The following PPM1F variants were observed in gnomAD, a reference collection of about 807,000 sequenced individuals.
The protein encoded by PPM1F is protein phosphatase, Mg2+/Mn2+ dependent 1F.
PPM1F carries 17 observed loss-of-function variants against 35.5 expected under a neutral mutation model. The observed-to-expected ratio is 0.48, with a 90% CI of 0.33 to 0.72. The LOEUF (loss-of-function observed/expected upper bound fraction) is 0.72, where lower values mean the gene tolerates loss of function less well. Among genes scored for constraint, PPM1F ranks in the 30% least tolerant of loss-of-function variants. The pLI is 0.02. For synonymous variants in PPM1F, 241 were observed against 255.5 expected, an observed-to-expected ratio of 0.94 and a Z score of 0.54; for missense variants, 521 against 613.0, an observed-to-expected ratio of 0.85 and a Z score of 1.59.
At chr22:21,947,383 A>T (rs918051551) in intron 1 of PPM1F, 3 of 151,408 alleles carry the variant, frequency 2.0e-5, no homozygotes, top group Non-Finnish European at 4.4e-5. Context: ...CACAGCGGGG[A>T]CTCCACCTTG....
rs1263182428 is a variant in PPM1F at position 21,939,706 on chromosome 22, G to A, written c.207-26C>T. On this transcript the variant is annotated intron_variant, in intron 2 of 7. Transcript: ENST00000263212. This position sits in a 1 kb window ranked among gnomAD's most constrained non-coding sequence, Gnocchi z 5.1. The stretch of plus-strand genomic sequence containing the variant: ...CTAGGGATGAGGAGGGGGAAGTGAG[G>A]GGCAGCCCCCAGCAGGAGACCACAC... The A allele has an allele frequency of 6.5e-7, 1 of 1,550,376 alleles. No homozygotes were observed. Among genetic ancestry groups the A allele is most frequent in the Non-Finnish European group, 8.7e-7 (1 of 1,146,116 alleles).
At chr22:21,933,203 G>A (rs758532529) in intron 5 of PPM1F, among the ~76,000 whole-genome samples, 188 bp downstream of exon 5, 7 of 152,156 alleles carry the variant, frequency 4.6e-5, no homozygotes, top group Non-Finnish European at 8.8e-5. Context: ...ATGCTGGGTC[G>A]GGGCAGGCTT....
intron 6 of PPM1F, chr22:21,925,980 A>AC: frequency 3.2e-6 from 1 of 316,964 alleles, no homozygotes. Flanking sequence ...AGCCCGACAC[A>AC]GACAGCAGAT....
chr22:21,937,327 C>G (rs1303055559), intron 3 of PPM1F: 1 of 152,590 alleles, frequency 6.6e-6, no homozygotes, highest in African/African-American at 2.4e-5. Flanking sequence ...TCTTGGGAAT[C>G]CATGCATCAA....
At chr22:21,942,163 G>A (rs898986156) in intron 2 of PPM1F, 1 of 152,348 alleles carries the variant, frequency 6.6e-6, no homozygotes, top group Non-Finnish European at 1.5e-5. Flanking sequence ...TTAACTGGAA[G>A]GCGAGGACCT....
chr22:21,938,356 C>T, intron 3 of PPM1F: 1 of 1,183,366 alleles, frequency 8.5e-7, no homozygotes, highest in Non-Finnish European at 1.1e-6. Context: ...AGAACAATGG[C>T]CGCCTGTCAC....
Position 21,930,432 on chromosome 22 carries a change from A to G in PPM1F, c.891+716T>C, listed in dbSNP as rs536459312. Among the ~76,000 whole-genome samples the G allele has an allele frequency of 2.6e-5, 4 of 152,322 alleles. No individual in the cohort carries two copies. The South Asian group carries it at 6.2e-4, about 24-fold the overall frequency. On this transcript the variant is annotated intron_variant, in intron 6 of 7. Coordinates refer to ENST00000263212, the MANE Select transcript of PPM1F (RefSeq NM_014634.4). ...TAGAGATGCATTGTTTTTAGCACCG[A>G]AAGACTGAAAAGATCTTCATGCTCA...
At chr22:21,935,384 G>A (rs563057724) in intron 3 of PPM1F, 1 of 152,298 alleles carries the variant, frequency 6.6e-6, no homozygotes, top group East Asian at 1.9e-4. Context: ...TTAAAAGGGT[G>A]ACAGGAGGGA....
intron 6 of PPM1F, among the ~76,000 whole-genome samples, chr22:21,930,459 C>T (rs1397884522): frequency 6.6e-6 from 1 of 152,186 alleles, no homozygotes; most frequent in African/African-American, 2.4e-5. Context: ...TCATGCTCAC[C>T]CACAAGGGAC....
chr22:21,920,164 C>T lies in PPM1F; in HGVS notation c.*2928G>A, dbSNP rs1156856472. The stretch of plus-strand genomic sequence containing the variant: ...AAGAATAGACACTAATAAGACTTAA[C>T]CACCCCAACCTGCTGGCAGCAGGAG... On this transcript the variant is annotated 3_prime_UTR_variant, in exon 8 of 8. Transcript: ENST00000263212. 6.6e-5 allele frequency: 10 copies of T among 152,544 alleles called. No homozygotes were observed. Among genetic ancestry groups the T allele is most frequent in the Admixed American group, 6.5e-4 (10 of 15,312 alleles). 9.4% of individuals were successfully genotyped at this position (152,544 alleles called of 1,614,324 possible).
intron 7 of PPM1F, chr22:21,925,159 T>G (rs1425782940): frequency 1.1e-5 from 3 of 281,648 alleles, no homozygotes; most frequent in African/African-American, 2.2e-5. Context: ...CCTCCCAAAG[T>G]GCTGGGATTA....
rs138155371 is a variant in PPM1F, at chr22:21,946,417, C to T, written c.-60-309G>A. ...CCAGAGACGAGCAGGACAGGGATGC[C>T]GAGGCCAGGCACTGAGGTAGGTGAG... On this transcript the variant is annotated intron_variant, in intron 1 of 7. Coordinates refer to ENST00000263212, the MANE Select transcript of PPM1F (RefSeq NM_014634.4). 334 of 178,880 alleles carry T rather than the reference C, an allele frequency of 1.9e-3. 3 individuals are homozygous for T. Among genetic ancestry groups the T allele is most frequent in the Middle Eastern group, 6.9e-3 (3 of 436 alleles). 11.1% of individuals were successfully genotyped at this position (178,880 alleles called of 1,614,324 possible). A position where few individuals can be genotyped will look rare whatever the true frequency, so the allele number is the denominator to read the frequency against.
At chr22:21,938,313 C>T in intron 3 of PPM1F, 1 of 1,221,486 alleles carries the variant, frequency 8.2e-7, no homozygotes, top group South Asian at 1.4e-5. Context: ...GGAGCAGCAG[C>T]TGCCACCGGC....
chr22:21,931,351 C>A lies in PPM1F; in HGVS notation c.748-60G>T, dbSNP rs75327317. The stretch of plus-strand genomic sequence containing the variant: ...AGGTAGGGAAGGGCAGAGGATGACA[C>A]GGGGCAGGATGAAGCTTCCGGGGGT... On this transcript the variant is annotated intron_variant, in intron 5 of 7. Transcript: ENST00000263212. The A allele has an allele frequency of 7.7e-3, 11,850 of 1,538,998 alleles. 70 individuals are homozygous for A. The highest frequency in any genetic ancestry group is 9.4e-3 in the Non-Finnish European group (10,613 of 1,131,268).
chr22:21,948,746 T>TTA (rs1348671357), intron 1 of PPM1F: 2 of 152,264 alleles, frequency 1.3e-5, no homozygotes, highest in Non-Finnish European at 2.9e-5. Context: ...TCATGTGAAT[T>TTA]TATGATTAGG....
At chr22:21,938,283 T>A in intron 3 of PPM1F, 1 of 1,273,960 alleles carries the variant, frequency 7.8e-7, no homozygotes, top group South Asian at 1.3e-5. Flanking sequence ...GGCGCCCCCT[T>A]GGTGGGGCCG....
rs545825620 is a variant in PPM1F at position 21,939,004 on chromosome 22, G to A, written c.355+528C>T. On this transcript the variant is annotated intron_variant, in intron 3 of 7. Coordinates refer to ENST00000263212, the MANE Select transcript of PPM1F (RefSeq NM_014634.4). This position sits in a 1 kb window ranked among gnomAD's most constrained non-coding sequence, Gnocchi z 5.1. Reference sequence around the variant, plus strand: ...TCTAACCATGGGGCTCATGGACACCGTAGAGCGTCTCCACCCAACAGAATC... The same window carrying A: ...TCTAACCATGGGGCTCATGGACACCATAGAGCGTCTCCACCCAACAGAATC... 15 of 160,202 alleles carry A rather than the reference G, an allele frequency of 9.4e-5. No individual in the cohort carries two copies. Among genetic ancestry groups the A allele is most frequent in the African/African-American group, 2.2e-4 (9 of 41,468 alleles). 9.9% of individuals were successfully genotyped at this position (160,202 alleles called of 1,614,324 possible). A position where few individuals can be genotyped will look rare whatever the true frequency, so the allele number is the denominator to read the frequency against.
intron 2 of PPM1F, chr22:21,944,368 T>C (rs894787092): frequency 6.6e-6 from 1 of 152,218 alleles, no homozygotes; most frequent in Non-Finnish European, 1.5e-5. Flanking sequence ...CTGACTCTGC[T>C]AGGGCCTGGG....
Position 21,927,932 on chromosome 22 carries a change from T to TTTTTG in PPM1F, c.892-2275_892-2271dup, listed in dbSNP as rs1207091572. On this transcript the variant is annotated intron_variant, in intron 6 of 7. Transcript: ENST00000263212. ...CCTAGTCACTGATTCTTGATTCTGT[T>TTTTTG]TTTTGTTTTGTTTTTTTTTTTTTTT... 3.2e-3 allele frequency among the ~76,000 whole-genome samples: 459 copies of TTTTTG among 142,864 alleles called. 8 individuals carry two copies. Among genetic ancestry groups the TTTTTG allele is most frequent in the African/African-American group, 0.012 (429 of 36,252 alleles). The allele number at this position is 142,864 out of a possible 152,430, so 93.7% of individuals were successfully genotyped here.
Sources: allele counts gnomAD v4.1 joint callset (sites outside exome capture counted in the v4.1 genomes callset), GRCh38; gene constraint gnomAD v4.1.1; non-coding constraint Gnocchi (gnomAD v3.1); transcripts MANE v1.5; gene names NCBI Gene and HGNC (gene_info 2026-07-23, HGNC 2026-07-21).